HS3ST5: variants seen among roughly 807,000 people sequenced by gnomAD.
The protein encoded by HS3ST5 is heparan sulfate glucosamine 3-O-sulfotransferase 5.
In HS3ST5, 10 loss-of-function variants were observed where a neutral mutation model predicts 25.4. The ratio of observed to expected loss-of-function variants is 0.39; its 90% confidence interval spans 0.24 to 0.67. The LOEUF is 0.67. Ranked by LOEUF, HS3ST5 falls within the 30% of genes least tolerant of loss-of-function variation. The pLI, the probability that HS3ST5 is intolerant of heterozygous loss-of-function variation, is 0.44. For missense variants in HS3ST5, 324 were observed against 420.7 expected, an observed-to-expected ratio of 0.77 and a Z score of 2.01; for synonymous variants, 170 against 162.4, an observed-to-expected ratio of 1.05 and a Z score of -0.36.
chr6:114,221,978 T>A (rs1401081678), intron 2 of HS3ST5, among the ~76,000 whole-genome samples: 1 of 126,420 alleles, frequency 7.9e-6, no homozygotes, highest in East Asian at 2.5e-4. Flanking sequence ...TGTAAGTATC[T>A]CAAGTATGAA....
intron 1 of HS3ST5, among the ~76,000 whole-genome samples, chr6:114,274,732 T>C (rs1264376606): frequency 2.0e-5 from 3 of 152,040 alleles, no homozygotes; most frequent in Non-Finnish European, 4.4e-5. Context: ...TTGAAGACTT[T>C]ATGGCTTTAA....
intron 4 of HS3ST5, among the ~76,000 whole-genome samples, chr6:114,062,333 T>G (rs550973404): frequency 3.3e-5 from 5 of 152,290 alleles, no homozygotes; most frequent in African/African-American, 1.2e-4. Context: ...TACATAATTT[T>G]AATGCTCCTG....
intron 3 of HS3ST5, among the ~76,000 whole-genome samples, chr6:114,103,857 ATTTT>A (rs71553394): frequency 4.7e-5 from 5 of 107,148 alleles, no homozygotes; most frequent in Admixed American, 2.1e-4. Flanking sequence ...CACCTGGCTA[ATTTT>A]TTTTTTTTTT....
At chr6:114,116,776 A>G (rs1211016315) in intron 3 of HS3ST5, among the ~76,000 whole-genome samples, 3 of 152,026 alleles carry the variant, frequency 2.0e-5, no homozygotes, top group Admixed American at 6.6e-5. Context: ...TTACTTAATG[A>G]GTTTAAGTAA....
chr6:114,083,208 A>G lies in HS3ST5; in HGVS notation c.-32-20331T>C, dbSNP rs561090529. Among the ~76,000 whole-genome samples the G allele has an allele frequency of 6.5e-4, 99 of 152,326 alleles. 1 individual carries two copies. Among genetic ancestry groups the G allele is most frequent in the African/African-American group, 2.3e-3 (96 of 41,572 alleles). Reference sequence around the variant, plus strand: ...TGGCAGGTCCAACAGAGTGAGGGAAATGGAAAATTACAAAAACAAGAAGGG... The same window carrying G: ...TGGCAGGTCCAACAGAGTGAGGGAAGTGGAAAATTACAAAAACAAGAAGGG... On this transcript the variant is annotated intron_variant, in intron 3 of 4. Coordinates refer to ENST00000312719, the MANE Select transcript of HS3ST5 (RefSeq NM_153612.4).
intron 3 of HS3ST5, among the ~76,000 whole-genome samples, chr6:114,133,609 G>C (rs187590626): frequency 6.6e-5 from 10 of 152,282 alleles, no homozygotes; most frequent in Admixed American, 5.2e-4. Flanking sequence ...TATTCAGTCA[G>C]TCAGCATTTA....
At chr6:114,131,930 CCT>C (rs1222478790) in intron 3 of HS3ST5, 1 of 152,082 alleles carries the variant, frequency 6.6e-6, no homozygotes, top group Admixed American at 6.5e-5. Flanking sequence ...TTTGGAAATT[CCT>C]CTCTCATTAT....
intron 1 of HS3ST5, among the ~76,000 whole-genome samples, chr6:114,313,944 AAGACAGAGT>A (rs1775644238): frequency 6.7e-6 from 1 of 149,292 alleles, no homozygotes; most frequent in African/African-American, 2.5e-5. Flanking sequence ...TTGTTTGTTT[AAGACAGAGT>A]CTCACTCTGT....
At chr6:114,122,788 G>A (rs1003067545) in intron 3 of HS3ST5, among the ~76,000 whole-genome samples, 1 of 152,142 alleles carries the variant, frequency 6.6e-6, no homozygotes, top group Non-Finnish European at 1.5e-5. Flanking sequence ...ACACAGGGAT[G>A]ACTTGTAGGT....
Position 114,241,133 on chromosome 6 carries a change from T to C in HS3ST5, c.-338-12355A>G, listed in dbSNP as rs563003662. ...GTTTATATATTTAAAGAAAAATCAGTTTTTTTTTTTTTTTTTTTTTTACTA... is the reference window on the plus strand; with the variant it reads ...GTTTATATATTTAAAGAAAAATCAGCTTTTTTTTTTTTTTTTTTTTTACTA... On this transcript the variant is annotated intron_variant, in intron 1 of 4. Transcript: ENST00000312719. Among the ~76,000 whole-genome samples, 52 of 28,452 alleles carry C rather than the reference T, an allele frequency of 1.8e-3. No homozygotes were observed. In the South Asian group the frequency reaches 0.039, roughly 21 times the overall value. 18.7% of individuals were successfully genotyped at this position (28,452 alleles called of 152,430 possible). A position where few individuals can be genotyped will look rare whatever the true frequency, so the allele number is the denominator to read the frequency against.
At chr6:114,114,239 A>G (rs1335960601) in intron 3 of HS3ST5, among the ~76,000 whole-genome samples, 1 of 152,212 alleles carries the variant, frequency 6.6e-6, no homozygotes, top group South Asian at 2.1e-4. Flanking sequence ...TGTATTTTCT[A>G]TGGAGTCACA....
intron 1 of HS3ST5, among the ~76,000 whole-genome samples, chr6:114,249,350 A>T (rs1054442131): frequency 1.3e-5 from 2 of 152,218 alleles, no homozygotes; most frequent in East Asian, 3.8e-4. Context: ...ACCTTACTCA[A>T]TCATGCATTT....
chr6:114,331,528 G>T (rs1776395659), intron 1 of HS3ST5, among the ~76,000 whole-genome samples: 1 of 151,956 alleles, frequency 6.6e-6, no homozygotes, highest in Admixed American at 6.6e-5. Flanking sequence ...ACCTAAAATG[G>T]TCTAGTTTAT....
chr6:114,218,389 T>A (rs2114475286), intron 2 of HS3ST5, among the ~76,000 whole-genome samples: 1 of 152,352 alleles, frequency 6.6e-6, no homozygotes, highest in South Asian at 2.1e-4. Flanking sequence ...TTCATTTTGT[T>A]ACCTGAACAA....
At chr6:114,132,384 T>C (rs1562209250) in intron 3 of HS3ST5, 1 of 152,240 alleles carries the variant, frequency 6.6e-6, no homozygotes, top group Non-Finnish European at 1.5e-5. Flanking sequence ...TTGTCATGTC[T>C]TATCACGCCA....
chr6:114,103,857 A>ATTTTTT (rs71553394), intron 3 of HS3ST5, among the ~76,000 whole-genome samples: 54,082 of 105,910 alleles, frequency 0.51, 13,992 homozygotes, highest in Non-Finnish European at 0.58. Flanking sequence ...CACCTGGCTA[A>ATTTTTT]TTTTTTTTTT....
At chr6:114,165,653 G>A (rs1779173417) in intron 3 of HS3ST5, among the ~76,000 whole-genome samples, 1 of 152,144 alleles carries the variant, frequency 6.6e-6, no homozygotes, top group African/African-American at 2.4e-5. Flanking sequence ...TGACGTCAGT[G>A]TCAGAGTACC....
chr6:114,241,240 A>G (rs117969855), intron 1 of HS3ST5, among the ~76,000 whole-genome samples: 3,060 of 150,246 alleles, frequency 0.02, 37 homozygotes, highest in Non-Finnish European at 0.031. Flanking sequence ...TAGTAAAATT[A>G]CCCTCTTTGA....
At chr6:114,141,440 G>C (rs1260659586) in intron 3 of HS3ST5, among the ~76,000 whole-genome samples, 1 of 152,148 alleles carries the variant, frequency 6.6e-6, no homozygotes, top group Non-Finnish European at 1.5e-5. Flanking sequence ...CTAAGCATAC[G>C]AGGGGTAAGA....
Sources: gnomAD v4.1 joint callset for allele counts (sites outside exome capture counted in the v4.1 genomes callset) on GRCh38, gnomAD v4.1.1 for gene constraint, MANE v1.5 for transcripts, NCBI Gene and HGNC (gene_info 2026-07-23, HGNC 2026-07-21) for gene names.